Variants in FRMD3 observed in about 807,000 individuals in gnomAD.
FRMD3 encodes the protein FERM domain-containing protein 3.
FRMD3 carries 33 observed loss-of-function variants against 70.2 expected under a neutral mutation model. The ratio of observed to expected loss-of-function variants is 0.47; its 90% CI spans 0.36 to 0.63. The LOEUF is 0.63. FRMD3 is among the 20% of genes least tolerant of loss of function. The pLI is 0.00. For missense variants in FRMD3, 632 were observed against 711.4 expected, an observed-to-expected ratio of 0.89 and a Z score of 1.27; for synonymous variants, 279 against 255.9, an observed-to-expected ratio of 1.09 and a Z score of -0.86.
chr9:83,488,761 C>A (rs1437528858), intron 1 of FRMD3, among the ~76,000 whole-genome samples: 1 of 152,104 alleles, frequency 6.6e-6, no homozygotes, highest in East Asian at 1.9e-4. Context: ...CTAACTGGGA[C>A]CATCAACACC....
chr9:83,439,664 A>T (rs1317835799), intron 1 of FRMD3, among the ~76,000 whole-genome samples: 1 of 152,244 alleles, frequency 6.6e-6, no homozygotes, highest in Non-Finnish European at 1.5e-5. Flanking sequence ...CTCTGTTTGC[A>T]GAAACATCCT....
intron 2 of FRMD3, among the ~76,000 whole-genome samples, chr9:83,387,705 A>T (rs934671951): frequency 6.6e-6 from 1 of 152,222 alleles, no homozygotes; most frequent in Non-Finnish European, 1.5e-5. Flanking sequence ...ACAAGTAACA[A>T]CTTCTTTGAG....
intron 3 of FRMD3, among the ~76,000 whole-genome samples, chr9:83,363,640 GC>G (rs1352914026): frequency 3.6e-5 from 5 of 140,478 alleles, no homozygotes; most frequent in Admixed American, 8.0e-5. Context: ...TGCAGGCTCC[GC>G]CCCCCGGGGT....
At position 83,247,209 on chromosome 9, in the gene FRMD3, C is replaced by T. The variant is rs1349957936; in HGVS notation, c.*709G>A. The stretch of plus-strand genomic sequence containing the variant: ...ATCCTCTGTTTTAGCAGCTTACTTA[C>T]TATAGTGTCTTTCTACCCATTTTCT... On this transcript the variant is annotated 3_prime_UTR_variant, in exon 14 of 14. Transcript: ENST00000304195. 2.0e-6 allele frequency: 2 copies of T among 985,230 alleles called. No homozygotes were observed. The highest frequency in any genetic ancestry group is 1.2e-6 in the Non-Finnish European group (1 of 829,896). The allele number at this position is 985,230 out of a possible 1,614,324, so 61.0% of individuals were successfully genotyped here.
At chr9:83,354,882 C>T (rs189024923) in intron 3 of FRMD3, among the ~76,000 whole-genome samples, 44 of 152,038 alleles carry the variant, frequency 2.9e-4, no homozygotes, top group African/African-American at 1.1e-3. Context: ...CTTTTTACTA[C>T]CTTGAAAAAA....
rs1825173090 is a variant in FRMD3 at position 83,377,082 on chromosome 9, T to C, written c.253-4127A>G. ...ATCTAACTCTTATTAGATGAAACTGTTAGGTATTCTCCTGGCCTATGGAGG... is the reference window on the plus strand; with the variant it reads ...ATCTAACTCTTATTAGATGAAACTGCTAGGTATTCTCCTGGCCTATGGAGG... On this transcript the variant is annotated intron_variant, in intron 2 of 13. Transcript: ENST00000304195. 2.0e-5 allele frequency among the ~76,000 whole-genome samples: 3 copies of C among 152,208 alleles called. No homozygotes were observed. The South Asian group carries it at 6.2e-4, about 32-fold the overall frequency.
At chr9:83,558,180 C>G in the FRMD3 span, among the ~76,000 whole-genome samples, 1 of 152,174 alleles carries the variant, frequency 6.6e-6, no homozygotes, top group Admixed American at 6.5e-5. Flanking sequence ...AATACAGTAG[C>G]TTAACTAACA....
chr9:83,568,843 G>A, the FRMD3 span, among the ~76,000 whole-genome samples: 2 of 152,106 alleles, frequency 1.3e-5, no homozygotes, highest in South Asian at 4.2e-4. Context: ...AGCTTAAATA[G>A]ATCATGCCAC....
the FRMD3 span, among the ~76,000 whole-genome samples, chr9:83,544,935 G>A: frequency 1.3e-5 from 2 of 152,058 alleles, no homozygotes; most frequent in Non-Finnish European, 2.9e-5. Context: ...CTCAGAATAA[G>A]AAAGGACCAA....
chr9:83,298,129 G>A (rs1241419759), intron 12 of FRMD3, among the ~76,000 whole-genome samples: 1 of 152,198 alleles, frequency 6.6e-6, no homozygotes, highest in Non-Finnish European at 1.5e-5. Flanking sequence ...TAAAAAGTGG[G>A]AGGCAACACG....
chr9:83,270,237 T>C (rs549929212), intron 13 of FRMD3, among the ~76,000 whole-genome samples: 7 of 152,298 alleles, frequency 4.6e-5, no homozygotes, highest in South Asian at 4.1e-4. Flanking sequence ...AAGCAGAAGA[T>C]GTGTGAAGAG....
intron 1 of FRMD3, among the ~76,000 whole-genome samples, chr9:83,447,546 A>T (rs1211367892): frequency 6.6e-6 from 1 of 151,260 alleles, no homozygotes; most frequent in Non-Finnish European, 1.5e-5. Context: ...GGCTCAGGTG[A>T]GTTCTGTCAT....
intron 1 of FRMD3, among the ~76,000 whole-genome samples, chr9:83,393,268 G>A (rs1825718085): frequency 6.6e-6 from 1 of 152,176 alleles, no homozygotes; most frequent in Non-Finnish European, 1.5e-5. Flanking sequence ...CTAAAATAAT[G>A]TGAAGACAAT....
chr9:83,333,390 G>C (rs11140033), intron 6 of FRMD3, among the ~76,000 whole-genome samples: 132,859 of 152,184 alleles, frequency 0.87, 58,146 homozygotes, highest in African/African-American at 0.88. Flanking sequence ...TAAAGTGCGA[G>C]TGACTGATGA....
Position 83,246,980 on chromosome 9 carries a change from A to T in FRMD3, c.*938T>A, listed in dbSNP as rs1380022488. On this transcript the variant is annotated 3_prime_UTR_variant, in exon 14 of 14. Coordinates refer to ENST00000304195, the MANE Select transcript of FRMD3 (RefSeq NM_174938.6). ...CCTATCTGCCTTCACTCTTGGGTTA[A>T]TGTACATTGATATGCAACTGACTAG... 1 of 985,282 alleles carries T rather than the reference A, an allele frequency of 1.0e-6. No individual in the cohort carries two copies. The highest frequency in any genetic ancestry group is 1.7e-5 in the African/African-American group (1 of 57,220). The allele number at this position is 985,282 out of a possible 1,614,324, so 61.0% of individuals were successfully genotyped here. A position where few individuals can be genotyped will look rare whatever the true frequency, so the allele number is the denominator to read the frequency against.
chr9:83,271,976 G>C (rs1474855086), intron 13 of FRMD3, among the ~76,000 whole-genome samples: 1 of 152,156 alleles, frequency 6.6e-6, no homozygotes, highest in Non-Finnish European at 1.5e-5. Context: ...ATCATTCAAA[G>C]CAGTCGGTTA....
intron 4 of FRMD3, among the ~76,000 whole-genome samples, chr9:83,347,772 T>C (rs1274694933): frequency 6.6e-6 from 1 of 152,188 alleles, no homozygotes; most frequent in Non-Finnish European, 1.5e-5. Flanking sequence ...ACTAAATGCC[T>C]TCAAGATAAG....
chr9:83,377,576 T>C (rs532982668), intron 2 of FRMD3, among the ~76,000 whole-genome samples: 2 of 152,236 alleles, frequency 1.3e-5, no homozygotes, highest in South Asian at 4.1e-4. Flanking sequence ...CTTGTGATAG[T>C]GAGTTCTTGC....
intron 1 of FRMD3, among the ~76,000 whole-genome samples, chr9:83,457,794 C>A (rs1448675956): frequency 1.3e-5 from 2 of 151,930 alleles, no homozygotes; most frequent in African/African-American, 4.8e-5. Flanking sequence ...CTTGAGTGTT[C>A]TCACCACAAA....
Sources: allele counts gnomAD v4.1 joint callset (sites outside exome capture counted in the v4.1 genomes callset), GRCh38; gene constraint gnomAD v4.1.1; transcripts MANE v1.5; gene names NCBI Gene and HGNC (gene_info 2026-07-23, HGNC 2026-07-21).